The following SLC12A7 variants were observed in gnomAD, a reference collection of about 807,000 sequenced individuals.
SLC12A7 encodes the protein K-Cl cotransporter 4.
SLC12A7 carries 100 observed loss-of-function variants against 120.6 expected under a neutral mutation model. The ratio of observed to expected loss-of-function variants is 0.83; its 90% CI spans 0.71 to 0.98. The LOEUF (loss-of-function observed/expected upper bound fraction) is 0.98. SLC12A7 is among the 50% of genes least tolerant of loss of function. The pLI is 0.00. For missense variants in SLC12A7, 1,373 were observed against 1,548.1 expected (o/e 0.89, Z 1.90); for synonymous variants, 760 against 678.0 (o/e 1.12, Z -1.88).
the SLC12A7 span, among the ~76,000 whole-genome samples, chr5:1,153,873 G>C: frequency 4.7e-3 from 713 of 152,134 alleles, 6 homozygotes; most frequent in African/African-American, 0.016. Context: ...TTGAAGACAG[G>C]GTCTTCCTTT....
chr5:1,137,703 G>A, the SLC12A7 span, among the ~76,000 whole-genome samples: 3 of 152,244 alleles, frequency 2.0e-5, no homozygotes, highest in Non-Finnish European at 4.4e-5. Flanking sequence ...TGGGCGATTC[G>A]GGGCCGGGGC....
Position 1,051,037 on chromosome 5 carries a change from C to T in SLC12A7, c.*1323G>A. 2.5e-6 allele frequency: 1 copy of T among 398,278 alleles called. No individual in the cohort carries two copies. Among genetic ancestry groups the T allele is most frequent in the East Asian group, 3.6e-5 (1 of 28,082 alleles). 24.7% of individuals were successfully genotyped at this position (398,278 alleles called of 1,614,324 possible). On this transcript the variant is annotated 3_prime_UTR_variant, in exon 24 of 24. Transcript: ENST00000264930. ...GACAACCTTGTTACCACGTAACTCC[C>T]TGGGGTGTTTAAATAAATAAATATG...
At chr5:1,069,421 G>C (rs1280046575) in intron 17 of SLC12A7, among the ~76,000 whole-genome samples, 1 of 152,212 alleles carries the variant, frequency 6.6e-6, no homozygotes, top group Non-Finnish European at 1.5e-5. Flanking sequence ...GGGGGCGGCT[G>C]CAGATGCCTG....
At chr5:1,077,058 G>GCCCCCCCCCC (rs58129045) in intron 12 of SLC12A7, among the ~76,000 whole-genome samples, 1 of 147,044 alleles carries the variant, frequency 6.8e-6, no homozygotes, top group Non-Finnish European at 1.5e-5. Context: ...GCCCCAGCCT[G>GCCCCCCCCCC]CCCCCCCGCC....
chr5:1,061,366 T>C (rs1218286582), intron 20 of SLC12A7, among the ~76,000 whole-genome samples: 1 of 20,608 alleles, frequency 4.9e-5, no homozygotes, highest in African/African-American at 1.2e-4. Flanking sequence ...CCGTGCGGGA[T>C]CCCTGAGTCT....
chr5:1,122,797 G>A, the SLC12A7 span, among the ~76,000 whole-genome samples: 5 of 152,242 alleles, frequency 3.3e-5, no homozygotes, highest in Admixed American at 1.3e-4. Flanking sequence ...GGACGGGCAC[G>A]TTTTGTTCAC....
intron 3 of SLC12A7, among the ~76,000 whole-genome samples, chr5:1,090,135 C>T (rs1056130756): frequency 6.6e-6 from 1 of 152,220 alleles, no homozygotes; most frequent in African/African-American, 2.4e-5. Flanking sequence ...AGGATGGGAA[C>T]AGGGGACCAG....
At position 1,078,016 on chromosome 5, in the gene SLC12A7, AGGCGGGCAGGCG is replaced by A. The variant is rs1377954193; in HGVS notation, c.1455-21_1455-10del. On this transcript the variant is annotated splice_polypyrimidine_tract_variant and intron_variant, in intron 11 of 23. Coordinates refer to ENST00000264930, the MANE Select transcript of SLC12A7 (RefSeq NM_006598.3). ...GCAGGGCCTCCCCGAACCTGCAGGC[AGGCGGGCAGGCG>A]GGCGGGCGGCTTTCAGAAGTGAGCC... 2 of 1,545,502 alleles carry A rather than the reference AGGCGGGCAGGCG, an allele frequency of 1.3e-6. No individual in the cohort carries two copies. The highest frequency in any genetic ancestry group is 1.4e-5 in the African/African-American group (1 of 72,300).
intron 12 of SLC12A7, 136 bp downstream of exon 12, chr5:1,077,697 C>T (rs1738517762): frequency 3.3e-6 from 3 of 920,466 alleles, no homozygotes; most frequent in Middle Eastern, 3.5e-4. Context: ...TGTGCAGTGG[C>T]CAGGGGCAGA....
chr5:1,052,398 T>C lies in SLC12A7; in HGVS notation c.3214A>G (p.Arg1072Gly). ...GTGATCACCTCCCGGCCGCCACCCC[T>C]GACCAGGAGGACTCTGTTCAGCCCC... ...TEGLNRVLLV[R>G]GGGREVITIY... The change falls in exon 24 of 24, where the codon AGG becomes GGG. Residue 1072 changes from arginine (R) to glycine (G), a missense_variant. Coordinates refer to ENST00000264930, the MANE Select transcript of SLC12A7 (RefSeq NM_006598.3). 1.2e-6 allele frequency: 2 copies of C among 1,612,942 alleles called. No homozygotes were observed. Among genetic ancestry groups the C allele is most frequent in the South Asian group, 1.1e-5 (1 of 91,086 alleles).
chr5:1,140,147 A>C, the SLC12A7 span, among the ~76,000 whole-genome samples: 5 of 152,204 alleles, frequency 3.3e-5, no homozygotes, highest in Non-Finnish European at 7.3e-5. Context: ...GGCCCCCCAG[A>C]AACGCTGTTT....
At position 1,077,896 on chromosome 5, in the gene SLC12A7, G is replaced by A; in HGVS notation, c.1566C>T (p.Ser522=). 2 of 1,599,304 alleles carry A rather than the reference G, an allele frequency of 1.3e-6. No homozygotes were observed. The change falls in exon 12 of 24, where the codon AGC becomes AGT. Residue 522 remains serine, a synonymous_variant. Transcript: ENST00000264930. ...FFSTCGAGLQ[S]LTGAPRLLQA... Reference sequence around the variant, plus strand: ...GCAGTAGGCGCGGTGCCCCCGTGAGGCTCTGCAGGCCGGCACCGCAGGTGG... The same window carrying A: ...GCAGTAGGCGCGGTGCCCCCGTGAGACTCTGCAGGCCGGCACCGCAGGTGG...
At chr5:1,124,557 G>A in the SLC12A7 span, among the ~76,000 whole-genome samples, 2 of 152,212 alleles carry the variant, frequency 1.3e-5, no homozygotes, top group African/African-American at 4.8e-5. Context: ...GGTTCCTGAT[G>A]GAAACACCGA....
At chr5:1,055,466 G>A (rs753951249) in intron 22 of SLC12A7, among the ~76,000 whole-genome samples, 1 of 152,230 alleles carries the variant, frequency 6.6e-6, no homozygotes, top group Non-Finnish European at 1.5e-5. Flanking sequence ...CCCAGAAGAG[G>A]TCAGGGCCGA....
intron 7 of SLC12A7, 49 bp downstream of exon 7, chr5:1,085,183 C>A: frequency 1.3e-6 from 2 of 1,596,628 alleles, no homozygotes; most frequent in Non-Finnish European, 1.7e-6. Flanking sequence ...CCCATGGGAC[C>A]TGGCCCCAGC....
chr5:1,055,317 G>A (rs73026791), intron 22 of SLC12A7, among the ~76,000 whole-genome samples: 13,700 of 152,242 alleles, frequency 0.09, 1,587 homozygotes, highest in African/African-American at 0.26. Context: ...ACTAACGTAC[G>A]TGGACGTGCA....
intron 21 of SLC12A7, among the ~76,000 whole-genome samples, chr5:1,059,307 A>T (rs1735943971): frequency 6.6e-6 from 1 of 152,234 alleles, no homozygotes; most frequent in Non-Finnish European, 1.5e-5. Flanking sequence ...GGAGAGCAGC[A>T]GTCGCTGCTT....
chr5:1,139,847 G>C, the SLC12A7 span, among the ~76,000 whole-genome samples: 7 of 152,366 alleles, frequency 4.6e-5, no homozygotes, highest in South Asian at 1.4e-3. Flanking sequence ...GACACTTGCT[G>C]AGACAAAGGC....
chr5:1,133,240 T>C, the SLC12A7 span, among the ~76,000 whole-genome samples: 1 of 152,200 alleles, frequency 6.6e-6, no homozygotes, highest in Non-Finnish European at 1.5e-5. Flanking sequence ...TTATTTGTGT[T>C]AGTTTGAAAC....
Sources: gnomAD v4.1 joint callset for allele counts (sites outside exome capture counted in the v4.1 genomes callset) on GRCh38, gnomAD v4.1.1 for gene constraint, MANE v1.5 for transcripts, NCBI Gene and HGNC (gene_info 2026-07-23, HGNC 2026-07-21) for gene names.